The following GPC3 variants were observed in gnomAD, a reference collection of about 807,000 sequenced individuals.
GPC3 encodes glypican-3.
In GPC3, 3 loss-of-function variants were observed where a neutral mutation model predicts 34.4. The ratio of observed to expected loss-of-function variants is 0.09; its 90% confidence interval spans 0.04 to 0.23. The LOEUF is 0.23. Among genes scored for constraint, GPC3 ranks in the 10% least tolerant of loss-of-function variants. The pLI is 1.00. For synonymous variants in GPC3, 177 were observed against 174.0 expected (o/e 1.02, Z -0.13); for missense variants, 351 against 445.6 (o/e 0.79, Z 1.91).
At chrX:133,838,752 T>C (rs111650268) in intron 2 of GPC3, among the ~76,000 whole-genome samples, 187 of 111,933 alleles carry the variant, frequency 1.7e-3, no homozygotes, top group African/African-American at 5.8e-3. Flanking sequence ...GTTAAAGCAG[T>C]GCTAAAGGCC....
At chrX:133,804,267 C>A (rs1312911523) in intron 2 of GPC3, among the ~76,000 whole-genome samples, 1 of 111,562 alleles carries the variant, frequency 9.0e-6, no homozygotes, top group East Asian at 2.8e-4. Context: ...AATGCGCTAA[C>A]CTGGCTGCAA....
intron 6 of GPC3, among the ~76,000 whole-genome samples, chrX:133,623,745 A>T (rs2070261852): frequency 9.0e-6 from 1 of 111,714 alleles, no homozygotes; most frequent in African/African-American, 3.3e-5. Flanking sequence ...CATTAGATGG[A>T]TCAACAAGAC....
chrX:133,700,272 G>T (rs1258204777), intron 3 of GPC3, among the ~76,000 whole-genome samples: 4 of 111,592 alleles, frequency 3.6e-5, no homozygotes, highest in Non-Finnish European at 7.5e-5. Flanking sequence ...ATAAAAAATG[G>T]CTTTTTTTCT....
chrX:133,981,785 T>C (rs191696980), intron 1 of GPC3, among the ~76,000 whole-genome samples: 1 of 112,157 alleles, frequency 8.9e-6, no homozygotes, highest in Admixed American at 9.4e-5. Context: ...TTCAAGCACA[T>C]TGCTTTTTAT....
chrX:133,828,862 A>G (rs757612281), intron 2 of GPC3, among the ~76,000 whole-genome samples: 1 of 112,165 alleles, frequency 8.9e-6, no homozygotes, highest in African/African-American at 3.2e-5. Flanking sequence ...AAAAAAGTAC[A>G]TAAGTAGATG....
chrX:133,684,703 C>T (rs962902594), intron 5 of GPC3, among the ~76,000 whole-genome samples: 4 of 110,606 alleles, frequency 3.6e-5, no homozygotes, highest in African/African-American at 1.3e-4. Context: ...TGGAGAAAAG[C>T]CACCCTATAA....
chrX:133,560,338 T>C lies in GPC3; in HGVS notation c.1574-24045A>G, dbSNP rs188581886. Among the ~76,000 whole-genome samples the C allele has an allele frequency of 5.5e-3, 613 of 112,421 alleles. 3 individuals are homozygous for C. The highest frequency in any genetic ancestry group is 9.5e-3 in the Non-Finnish European group (506 of 53,263). ...TCAAGAGAGACTTAGGACAATGTCT[T>C]TAAAAAAAGGAGTTCCCTTTCCCCC... is the stretch of plus-strand genomic sequence containing the variant. On this transcript the variant is annotated intron_variant, in intron 7 of 7. Transcript: ENST00000370818.
intron 3 of GPC3, among the ~76,000 whole-genome samples, chrX:133,743,877 A>G: frequency 8.9e-6 from 1 of 111,887 alleles, no homozygotes; most frequent in Non-Finnish European, 1.9e-5. Flanking sequence ...CAACCATCTG[A>G]TCTTTGACAA....
intron 2 of GPC3, among the ~76,000 whole-genome samples, chrX:133,811,546 T>C (rs1365536647): frequency 8.9e-6 from 1 of 111,819 alleles, no homozygotes; most frequent in Non-Finnish European, 1.9e-5. Context: ...TCAGCTTCCA[T>C]GGGACCATTT....
chrX:133,539,954 TA>T (rs2069327800), intron 7 of GPC3, among the ~76,000 whole-genome samples: 1 of 112,668 alleles, frequency 8.9e-6, no homozygotes, highest in Admixed American at 9.4e-5. Context: ...CAAACAAAAC[TA>T]GCCTATGATG....
At chrX:133,888,904 C>T (rs184657900) in intron 2 of GPC3, among the ~76,000 whole-genome samples, 1 of 112,358 alleles carries the variant, frequency 8.9e-6, no homozygotes, top group East Asian at 2.8e-4. Context: ...CTTCTGGTGA[C>T]TGTCTGGATG....
At chrX:133,807,944 C>T (rs1412883369) in intron 2 of GPC3, among the ~76,000 whole-genome samples, 1 of 112,125 alleles carries the variant, frequency 8.9e-6, no homozygotes, top group African/African-American at 3.2e-5. Context: ...TTACCAAGCC[C>T]TCCAGAGGAT....
chrX:133,877,430 A>G (rs1044788538), intron 2 of GPC3, among the ~76,000 whole-genome samples: 7 of 111,989 alleles, frequency 6.3e-5, no homozygotes, highest in African/African-American at 2.3e-4. Context: ...CCTTGCATCT[A>G]TAAAACAAGG....
chrX:133,868,633 A>G (rs2075979815), intron 2 of GPC3, among the ~76,000 whole-genome samples: 1 of 111,974 alleles, frequency 8.9e-6, no homozygotes, highest in South Asian at 3.8e-4. Flanking sequence ...GGGTACAGGT[A>G]AAGTCTAGAG....
intron 2 of GPC3, among the ~76,000 whole-genome samples, chrX:133,814,449 T>C (rs2075679671): frequency 9.0e-6 from 1 of 111,534 alleles, no homozygotes; most frequent in African/African-American, 3.3e-5. Flanking sequence ...AAGGACAGCA[T>C]GTAACCCTTG....
chrX:133,763,891 AC>A (rs1209963401), intron 2 of GPC3, among the ~76,000 whole-genome samples: 1 of 112,141 alleles, frequency 8.9e-6, no homozygotes, highest in Admixed American at 9.4e-5. Context: ...GAGTTGAACT[AC>A]CATTCAACCT....
chrX:133,730,423 A>T (rs1454669134), intron 3 of GPC3, among the ~76,000 whole-genome samples: 1 of 111,819 alleles, frequency 8.9e-6, no homozygotes, highest in African/African-American at 3.2e-5. Context: ...GAGAAACAAG[A>T]CTGAAAGTTT....
chrX:133,672,465 A>G (rs1464861891), intron 5 of GPC3, among the ~76,000 whole-genome samples: 2 of 111,376 alleles, frequency 1.8e-5, no homozygotes, highest in African/African-American at 6.5e-5. Flanking sequence ...GAGAAAGAAA[A>G]AGGTGTAATT....
At chrX:133,812,745 C>T (rs763598306) in intron 2 of GPC3, among the ~76,000 whole-genome samples, 19 of 112,407 alleles carry the variant, frequency 1.7e-4, no homozygotes, top group Non-Finnish European at 3.2e-4. Flanking sequence ...AGGGTGGCTA[C>T]TAAATGTGAT....
Sources: allele counts gnomAD v4.1 joint callset (sites outside exome capture counted in the v4.1 genomes callset), GRCh38; gene constraint gnomAD v4.1.1; transcripts MANE v1.5; gene names NCBI Gene and HGNC (gene_info 2026-07-23, HGNC 2026-07-21).